The following TNRC6C variants were observed in gnomAD, a reference collection of about 807,000 sequenced individuals.
TNRC6C encodes the protein trinucleotide repeat containing adaptor 6C.
A neutral mutation model predicts 153.7 loss-of-function variants in TNRC6C; 20 were observed. The observed-to-expected ratio is 0.13, with a 90% CI of 0.09 to 0.19. The LOEUF is 0.19. Ranked by LOEUF, TNRC6C falls within the 10% of genes least tolerant of loss-of-function variation. The pLI, the probability that TNRC6C is intolerant of heterozygous loss-of-function variation, is 1.00. For missense variants in TNRC6C, 1,987 were observed against 2,172.0 expected, an observed-to-expected ratio of 0.91 and a Z score of 1.69; for synonymous variants, 811 against 841.4, an observed-to-expected ratio of 0.96 and a Z score of 0.63.
exon 3 of TNRC6C, chr17:78,051,364 A>G (rs1405747524): frequency 6.4e-7 from 1 of 1,551,028 alleles, no homozygotes; most frequent in East Asian, 2.4e-5. Flanking sequence ...CACCACTACC[A>G]CGAGCAACAC....
intron 17 of TNRC6C, among the ~76,000 whole-genome samples, chr17:78,100,626 G>C (rs2073573590): frequency 6.6e-6 from 1 of 152,188 alleles, no homozygotes; most frequent in African/African-American, 2.4e-5. Context: ...GGCCTGTGAT[G>C]GGAGGGGCTT....
rs568743977 is a variant in TNRC6C, at chr17:77,993,108, C to T, written c.-37-11062C>T. 7.9e-5 allele frequency among the ~76,000 whole-genome samples: 12 copies of T among 152,088 alleles called. 1 individual carries two copies. Among genetic ancestry groups the T allele is most frequent in the African/African-American group, 2.9e-4 (12 of 41,508 alleles). Reference sequence around the variant, plus strand: ...AGCTTCCTGAGTAGCTGGGATTACACCCGCCATCATGCCCAGCTAATTTTT... The same window carrying T: ...AGCTTCCTGAGTAGCTGGGATTACATCCGCCATCATGCCCAGCTAATTTTT... On this transcript the variant is annotated intron_variant, in intron 1 of 22. Transcript: ENST00000636222.
At chr17:78,056,818 G>T (rs1042046958) in intron 3 of TNRC6C, among the ~76,000 whole-genome samples, 2 of 136,778 alleles carry the variant, frequency 1.5e-5, no homozygotes, top group Non-Finnish European at 3.3e-5. Context: ...GCTTCATGCT[G>T]AGAAAGGCAT....
rs563868360 is a variant in TNRC6C at position 77,995,524 on chromosome 17, T to TA, written c.-37-8644dup. On this transcript the variant is annotated intron_variant, in intron 1 of 22. Coordinates refer to the TNRC6C transcript ENST00000636222. ...CAATAAATCCCCACCTCCAAACTCC[T>TA]AAGTAGTTTTTTGGGAAAAGCATTA... 1.3e-4 allele frequency among the ~76,000 whole-genome samples: 20 copies of TA among 152,338 alleles called. No homozygotes were observed. The South Asian group carries it at 4.1e-3, about 32-fold the overall frequency.
chr17:77,959,727 C>T (rs1327961403), intron 1 of TNRC6C, among the ~76,000 whole-genome samples: 1 of 152,098 alleles, frequency 6.6e-6, no homozygotes, highest in Non-Finnish European at 1.5e-5. Context: ...CCCCTGGGCG[C>T]TCTGCGGCTC....
At chr17:78,043,165 A>G (rs2072334651) in intron 2 of TNRC6C, among the ~76,000 whole-genome samples, 2 of 152,354 alleles carry the variant, frequency 1.3e-5, no homozygotes, top group Middle Eastern at 3.4e-3. Flanking sequence ...AGTATGTCTC[A>G]TAATGGTAGC....
At chr17:78,042,612 C>A (rs1326249389) in intron 2 of TNRC6C, among the ~76,000 whole-genome samples, 1 of 147,154 alleles carries the variant, frequency 6.8e-6, no homozygotes, top group Admixed American at 6.8e-5. Flanking sequence ...ACTGCATTTT[C>A]ATTTTTGGAG....
chr17:78,031,918 A>C (rs922683930), intron 2 of TNRC6C, 76 bp downstream of exon 4: 13 of 1,203,320 alleles, frequency 1.1e-5, no homozygotes, highest in Non-Finnish European at 1.2e-5. Context: ...TGAGCAATAG[A>C]AATAGACATA....
At chr17:78,048,889 TG>T in exon 3 of TNRC6C, 1 of 1,248,784 alleles carries the variant, frequency 8.0e-7, no homozygotes. Flanking sequence ...AAATTCCCAC[TG>T]GGGACAGCAG....
chr17:78,084,633 T>G (rs961424752), intron 11 of TNRC6C, among the ~76,000 whole-genome samples: 19 of 150,680 alleles, frequency 1.3e-4, no homozygotes, highest in Non-Finnish European at 2.4e-4. Flanking sequence ...TTTTTTTTTT[T>G]TTTTGAGACG....
rs375550999 is a variant in TNRC6C at position 78,064,867 on chromosome 17, C to T, written c.2541C>T (p.His847=). 1.1e-4 allele frequency: 180 copies of T among 1,612,460 alleles called. No homozygotes were observed. The Middle Eastern group carries it at 3.1e-3, about 28-fold the overall frequency. Residue 847 remains histidine (H), a synonymous_variant, in exon 4 of 20, where the codon CAC becomes CAT. Coordinates refer to ENST00000301624, the Ensembl canonical transcript of TNRC6C. ...GCAGTGGCAGCGGGTGGGGAGATCA[C>T]CCTGCAGAGCCGCCGGTGGCATTTG...
chr17:77,978,143 C>T (rs1212354441), intron 1 of TNRC6C, among the ~76,000 whole-genome samples: 4 of 152,006 alleles, frequency 2.6e-5, no homozygotes, highest in South Asian at 2.1e-4. Flanking sequence ...GTGATCCACC[C>T]GCCTCAGCCT....
chr17:78,088,624 TTC>T lies in TNRC6C; in HGVS notation c.3802+1539_3802+1540del, dbSNP rs553956076. On this transcript the variant is annotated intron_variant, in intron 13 of 19. Coordinates refer to ENST00000301624, the Ensembl canonical transcript of TNRC6C. The stretch of plus-strand genomic sequence containing the variant: ...TAAAGTTCTCTTTTTTCTTTTTTTT[TTC>T]TCTCTCTTTTTTTTTTTGGCTGGAG... Among the ~76,000 whole-genome samples, 42 of 152,050 alleles carry T rather than the reference TTC, an allele frequency of 2.8e-4. No homozygotes were observed. In the South Asian group the frequency reaches 7.3e-3, roughly 26 times the overall value.
At chr17:77,972,857 C>T (rs1567894819) in intron 1 of TNRC6C, among the ~76,000 whole-genome samples, 2 of 152,206 alleles carry the variant, frequency 1.3e-5, no homozygotes. Context: ...CCAGTGAGGG[C>T]AATGTTACCA....
At chr17:78,003,941 G>A (rs190889001), upstream of TNRC6C, among the ~76,000 whole-genome samples, 658 of 152,324 alleles carry the variant, frequency 4.3e-3, 3 homozygotes, top group Middle Eastern at 0.02. Flanking sequence ...CCTGATGATG[G>A]GTTGGTGTTC....
chr17:78,016,533 G>A (rs28715189), intron 1 of TNRC6C, among the ~76,000 whole-genome samples: 1,694 of 152,290 alleles, frequency 0.011, 34 homozygotes, highest in African/African-American at 0.037. Flanking sequence ...TTCATCTAGC[G>A]CCTAACACTT....
chr17:78,065,059 A>C, intron 4 of TNRC6C, 122 bp downstream of exon 6: 1 of 1,200,308 alleles, frequency 8.3e-7, no homozygotes, highest in East Asian at 2.6e-5. Flanking sequence ...CTACAAACCA[A>C]GAGTCTTGGC....
intron 1 of TNRC6C, among the ~76,000 whole-genome samples, chr17:77,986,413 CA>C (rs764905338): frequency 2.9e-4 from 16 of 54,332 alleles, no homozygotes; most frequent in Non-Finnish European, 2.8e-4. Context: ...AACTCCATCT[CA>C]AAAAAAAAAA....
At chr17:78,082,606 G>A (rs1164662945) in intron 10 of TNRC6C, among the ~76,000 whole-genome samples, 1 of 152,184 alleles carries the variant, frequency 6.6e-6, no homozygotes, top group African/African-American at 2.4e-5. Flanking sequence ...AGACCTAGAA[G>A]AGCTGTGGCA....
Sources: gnomAD v4.1 joint callset for allele counts (sites outside exome capture counted in the v4.1 genomes callset) on GRCh38, gnomAD v4.1.1 for gene constraint, MANE v1.5 for transcripts, NCBI Gene and HGNC (gene_info 2026-07-23, HGNC 2026-07-21) for gene names.